The following IMPG1 variants were observed in gnomAD, a reference collection of about 807,000 sequenced individuals.
IMPG1 encodes interphotoreceptor matrix proteoglycan of 150 kDa.
IMPG1 carries 85 observed loss-of-function variants against 92.0 expected under a neutral mutation model. That is an observed-to-expected ratio of 0.92 (90% CI 0.78 to 1.11). IMPG1 has a LOEUF of 1.11. Ranked by LOEUF, IMPG1 falls within the 50% of genes least tolerant of loss-of-function variation. The pLI is 0.00. For synonymous variants in IMPG1, 367 were observed against 334.1 expected (o/e 1.10, Z -1.08); for missense variants, 1,022 against 956.0 (o/e 1.07, Z -0.91).
intron 1 of IMPG1, among the ~76,000 whole-genome samples, chr6:76,068,237 G>T (rs1231805011): frequency 6.6e-6 from 1 of 152,138 alleles, no homozygotes; most frequent in Non-Finnish European, 1.5e-5. Context: ...GGAAAAGAAG[G>T]AGTCGAATTA....
chr6:76,030,536 A>C (rs1783635522), intron 4 of IMPG1, among the ~76,000 whole-genome samples: 1 of 152,020 alleles, frequency 6.6e-6, no homozygotes, highest in South Asian at 2.1e-4. Flanking sequence ...CCTGAGATGC[A>C]TCCTCCAAAC....
chr6:76,040,372 A>G lies in IMPG1; in HGVS notation c.301+1521T>C, dbSNP rs567019477. On this transcript the variant is annotated intron_variant, in intron 2 of 16. Transcript: ENST00000369950. ...GTTATGTGAAAATAGGAATAGTTGC[A>G]TTCATATTCAGTGTGATGCAAATAC... 7.2e-5 allele frequency among the ~76,000 whole-genome samples: 11 copies of G among 152,368 alleles called. No individual in the cohort carries two copies. The South Asian group carries it at 2.1e-3, about 29-fold the overall frequency.
At position 75,923,669 on chromosome 6, in the gene IMPG1, T is replaced by G; in HGVS notation, c.2281A>C (p.Ser761Arg). The change falls in exon 16 of 17, where the codon AGT (serine) becomes CGT (arginine). Residue 761 changes from serine (S) to arginine (R), a missense_variant. Transcript: ENST00000369950. Reference protein sequence around the residue: ...DHSENQAYKTSVKKFQNQQNN... With the variant: ...DHSENQAYKTRVKKFQNQQNN... ...TGTTGATTTTGGAACTTTTTAACAC[T>G]AGTTTTGTATGCTTGATTTTCAGAG... The G allele has an allele frequency of 1.3e-6, 2 of 1,594,328 alleles. No individual in the cohort carries two copies. Among genetic ancestry groups the G allele is most frequent in the Non-Finnish European group, 1.7e-6 (2 of 1,163,376 alleles).
intron 6 of IMPG1, among the ~76,000 whole-genome samples, chr6:76,020,451 C>T (rs1055604985): frequency 6.6e-6 from 1 of 152,182 alleles, no homozygotes; most frequent in African/African-American, 2.4e-5. Flanking sequence ...AAGGTCTAAT[C>T]TCTGATTTAT....
intron 12 of IMPG1, among the ~76,000 whole-genome samples, chr6:75,953,660 C>T (rs1035362980): frequency 6.6e-6 from 1 of 151,586 alleles, no homozygotes; most frequent in Non-Finnish European, 1.5e-5. Flanking sequence ...ATGTGCAGAA[C>T]GTGCAGGTTT....
intron 1 of IMPG1, among the ~76,000 whole-genome samples, chr6:76,045,671 G>A (rs570609789): frequency 6.6e-6 from 1 of 152,160 alleles, no homozygotes; most frequent in Non-Finnish European, 1.5e-5. Flanking sequence ...GACAAAGTCT[G>A]TTTGTTACAG....
intron 3 of IMPG1, 83 bp downstream of exon 3, chr6:76,034,536 GGA>G: frequency 6.9e-7 from 1 of 1,439,810 alleles, no homozygotes; most frequent in Non-Finnish European, 9.6e-7. Flanking sequence ...CTTACGTTGT[GGA>G]AACCAATTCA....
chr6:76,063,902 G>T (rs1784254941), intron 1 of IMPG1, among the ~76,000 whole-genome samples: 2 of 152,144 alleles, frequency 1.3e-5, no homozygotes, highest in Non-Finnish European at 2.9e-5. Context: ...TGGTGCTCAA[G>T]AGCTTCCCGC....
Position 76,025,263 on chromosome 6 carries a change from TA to T in IMPG1, c.498-6del. 13 of 1,537,470 alleles carry T rather than the reference TA, an allele frequency of 8.5e-6. No homozygotes were observed. The highest frequency in any genetic ancestry group is 2.3e-5 in the East Asian group (1 of 44,362). The stretch of plus-strand genomic sequence containing the variant: ...TCTGCAGATATTTCATCTTTTCTAT[TA>T]GTACAATAGAAAAGAAGGAAGAGGT... On this transcript the variant is annotated splice_region_variant and splice_polypyrimidine_tract_variant and intron_variant, in intron 4 of 16. Coordinates refer to ENST00000369950, the MANE Select transcript of IMPG1 (RefSeq NM_001563.4).
intron 12 of IMPG1, among the ~76,000 whole-genome samples, chr6:75,964,984 T>C (rs1180131378): frequency 6.6e-6 from 1 of 152,210 alleles, no homozygotes; most frequent in Non-Finnish European, 1.5e-5. Context: ...TGGCTTTTCT[T>C]ACTCAGTATA....
intron 12 of IMPG1, among the ~76,000 whole-genome samples, chr6:75,969,657 C>T (rs550729569): frequency 5.3e-5 from 8 of 151,982 alleles, no homozygotes; most frequent in African/African-American, 1.9e-4. Context: ...TGCTGGAACC[C>T]ATGAGACAGA....
At chr6:75,939,889 G>A (rs948137304) in intron 14 of IMPG1, among the ~76,000 whole-genome samples, 2 of 152,152 alleles carry the variant, frequency 1.3e-5, no homozygotes, top group Admixed American at 6.5e-5. Context: ...GACGTTGTCC[G>A]TTTCCATTTC....
At chr6:76,025,117 A>G in intron 5 of IMPG1, 77 bp downstream of exon 5, 2 of 829,842 alleles carry the variant, frequency 2.4e-6, no homozygotes, top group Non-Finnish European at 4.1e-6. Context: ...TTTAATTAGG[A>G]ATTGTTTTAT....
intron 16 of IMPG1, 44 bp downstream of exon 16, chr6:75,923,590 G>T: frequency 1.1e-6 from 1 of 897,866 alleles, no homozygotes. Flanking sequence ...TCCTTCAAAA[G>T]TCAAGTTTAG....
chr6:75,992,137 T>C (rs917198171), intron 12 of IMPG1, among the ~76,000 whole-genome samples: 1 of 152,206 alleles, frequency 6.6e-6, no homozygotes, highest in Non-Finnish European at 1.5e-5. Context: ...AAAAGGGAAT[T>C]CTGCCAGCAG....
intron 5 of IMPG1, chr6:76,024,783 C>T: frequency 3.3e-6 from 1 of 303,170 alleles, no homozygotes; most frequent in Non-Finnish European, 6.4e-6. Context: ...ATGGATGCAA[C>T]AGAATGTTGC....
At position 76,041,991 on chromosome 6, in the gene IMPG1, G is replaced by A. The variant is rs771473231; in HGVS notation, c.203C>T (p.Thr68Ile). Residue 68 changes from threonine (T) to isoleucine (I), a missense_variant, in exon 2 of 17, where the codon ACA becomes ATA. Thr to Ile is a moderately conservative substitution (Grantham distance 89). This residue lies in a region of IMPG1 where 681 missense variants were observed against 583.6 expected (regional missense o/e 1.17). Coordinates refer to ENST00000369950, the MANE Select transcript of IMPG1 (RefSeq NM_001563.4). ...RRIFDLAKHR[T>I]KRSAFFPTGV... ...CGTTGGGAAAAATGCGGATCTTTTT[G>A]TTCGATGCTTTGCCAAATCGAATAT... 6.2e-7 allele frequency: 1 copy of A among 1,613,808 alleles called. No individual in the cohort carries two copies. The highest frequency in any genetic ancestry group is 1.1e-5 in the South Asian group (1 of 91,074).
chr6:76,069,745 C>CAA (rs59771309), intron 1 of IMPG1, among the ~76,000 whole-genome samples: 1 of 147,882 alleles, frequency 6.8e-6, no homozygotes, highest in Non-Finnish European at 1.5e-5. Flanking sequence ...ATTGGTTGAT[C>CAA]AAAAAAAAAA....
chr6:75,987,048 C>T (rs145981074), intron 12 of IMPG1, among the ~76,000 whole-genome samples: 249 of 152,252 alleles, frequency 1.6e-3, no homozygotes, highest in African/African-American at 5.6e-3. Flanking sequence ...TTGAGTCATG[C>T]CAAGCAGCAG....
Sources: gnomAD v4.1 joint callset for allele counts (sites outside exome capture counted in the v4.1 genomes callset) on GRCh38, gnomAD v4.1.1 for gene constraint, gnomAD v4.1.1 regional missense constraint, MANE v1.5 for transcripts, NCBI Gene and HGNC (gene_info 2026-07-23, HGNC 2026-07-21) for gene names.